CCDC169: variants seen among roughly 807,000 people sequenced by gnomAD.
The protein encoded by CCDC169 is coiled-coil domain containing 169.
In CCDC169, 30 loss-of-function variants were observed where a neutral mutation model predicts 36.0. That is an observed-to-expected ratio of 0.83 (90% confidence interval 0.62 to 1.13). The LOEUF is 1.13. Ranked by LOEUF, CCDC169 falls within the 50% of genes most tolerant of loss-of-function variation. The pLI is 0.00. For synonymous variants in CCDC169, 85 were observed against 81.5 expected (o/e 1.04, Z -0.23); for missense variants, 245 against 245.9 (o/e 1.00, Z 0.03).
chr13:36,258,471 A>G (rs1412767678), intron 4 of CCDC169, among the ~76,000 whole-genome samples: 1 of 152,206 alleles, frequency 6.6e-6, no homozygotes, highest in Admixed American at 6.5e-5. Context: ...GAAATGGGGC[A>G]AAACCCACCA....
At chr13:36,294,216 C>T (rs1460831321) in intron 2 of CCDC169, among the ~76,000 whole-genome samples, 5 of 152,192 alleles carry the variant, frequency 3.3e-5, no homozygotes, top group Non-Finnish European at 7.3e-5. Flanking sequence ...CATACTAGCT[C>T]CTTCTTTTGA....
At chr13:36,237,017 T>C (rs1328631) in intron 7 of CCDC169, among the ~76,000 whole-genome samples, 61,423 of 151,736 alleles carry the variant, frequency 0.4, 13,181 homozygotes, top group Non-Finnish European at 0.48. Context: ...GTAAATGCTA[T>C]ATAAATAGAT....
intron 4 of CCDC169, among the ~76,000 whole-genome samples, chr13:36,269,754 A>G (rs1875789642): frequency 6.6e-6 from 1 of 152,216 alleles, no homozygotes; most frequent in Non-Finnish European, 1.5e-5. Flanking sequence ...TCAACAAACT[A>G]GACATAGAAG....
At chr13:36,244,643 GAAAAA>G (rs1237622595) in intron 7 of CCDC169, 1 of 148,856 alleles carries the variant, frequency 6.7e-6, no homozygotes, top group Non-Finnish European at 1.5e-5. Flanking sequence ...GAGAAAGAAA[GAAAAA>G]AAGAAAGAAA....
At chr13:36,266,324 T>C (rs1241042971) in intron 4 of CCDC169, among the ~76,000 whole-genome samples, 1 of 152,086 alleles carries the variant, frequency 6.6e-6, no homozygotes, top group Non-Finnish European at 1.5e-5. Context: ...CTCCGCAGCA[T>C]CTTCCAGGAC....
chr13:36,291,924 C>T (rs1878944441), intron 2 of CCDC169, among the ~76,000 whole-genome samples: 1 of 151,620 alleles, frequency 6.6e-6, no homozygotes, highest in Non-Finnish European at 1.5e-5. Context: ...AGAAACCAGC[C>T]TATAAAAGAC....
At chr13:36,271,672 C>T (rs1315086149) in intron 4 of CCDC169, among the ~76,000 whole-genome samples, 2 of 152,088 alleles carry the variant, frequency 1.3e-5, no homozygotes, top group Non-Finnish European at 2.9e-5. Context: ...AAACCAAACA[C>T]CGTATGTTCT....
At chr13:36,284,574 C>T (rs1348592243) in intron 2 of CCDC169, among the ~76,000 whole-genome samples, 1 of 152,168 alleles carries the variant, frequency 6.6e-6, no homozygotes, top group Non-Finnish European at 1.5e-5. Flanking sequence ...AGTTTTCTTT[C>T]ACTAAACCCT....
intron 4 of CCDC169, among the ~76,000 whole-genome samples, chr13:36,265,239 T>C (rs926775017): frequency 6.6e-5 from 10 of 152,224 alleles, no homozygotes; most frequent in African/African-American, 2.4e-4. Context: ...AATTTTCTAA[T>C]GGGTCCAAGA....
intron 2 of CCDC169, among the ~76,000 whole-genome samples, chr13:36,285,618 G>GATAGATAGATAGATAC (rs751327575): frequency 0.028 from 3,792 of 133,488 alleles, 63 homozygotes; most frequent in East Asian, 0.081. Flanking sequence ...TAGATAGATA[G>GATAGATAGATAGATAC]ATACATAGAT....
intron 4 of CCDC169, among the ~76,000 whole-genome samples, chr13:36,255,429 C>T (rs894485149): frequency 1.3e-5 from 2 of 152,052 alleles, no homozygotes; most frequent in African/African-American, 4.8e-5. Context: ...TTTGAGAGGC[C>T]GAGGCGGGTA....
At chr13:36,268,005 G>A (rs1875551717) in intron 4 of CCDC169, among the ~76,000 whole-genome samples, 1 of 151,930 alleles carries the variant, frequency 6.6e-6, no homozygotes, top group Non-Finnish European at 1.5e-5. Context: ...TCTAAGAAAT[G>A]AGACAGCAAC....
At chr13:36,227,278 C>G, downstream of CCDC169, 1 of 1,550,960 alleles carries the variant, frequency 6.4e-7, no homozygotes, top group South Asian at 1.2e-5. Context: ...GCTTTTTGTC[C>G]GAGGCATGTC....
intron 7 of CCDC169, among the ~76,000 whole-genome samples, chr13:36,239,683 G>C (rs1871529534): frequency 6.6e-6 from 1 of 151,964 alleles, no homozygotes; most frequent in Non-Finnish European, 1.5e-5. Context: ...TCATCTTATG[G>C]GGGAGAAAAT....
chr13:36,243,455 T>C (rs1872108442), intron 7 of CCDC169, among the ~76,000 whole-genome samples: 2 of 147,274 alleles, frequency 1.4e-5, no homozygotes, highest in South Asian at 4.4e-4. Flanking sequence ...AGCAGAGAGA[T>C]TGCACCACTG....
chr13:36,243,086 T>G lies in CCDC169; in HGVS notation c.545+5520A>C, dbSNP rs1373871591. The stretch of plus-strand genomic sequence containing the variant: ...TGCCAGAGGAAGAAAAGGCCCATAC[T>G]TGAGTCATGGATAAATCAGCTTGGT... On this transcript the variant is annotated intron_variant, in intron 7 of 7. Coordinates refer to ENST00000239859, the MANE Select transcript of CCDC169 (RefSeq NM_001144981.3). Among the ~76,000 whole-genome samples the G allele has an allele frequency of 2.6e-5, 4 of 152,214 alleles. No homozygotes were observed. In the East Asian group the frequency reaches 5.8e-4, roughly 22 times the overall value.
intron 4 of CCDC169, chr13:36,282,374 T>A: frequency 2.0e-6 from 2 of 985,228 alleles, no homozygotes; most frequent in South Asian, 9.4e-5. Flanking sequence ...GCTAAGAGGG[T>A]CTCTTGACTG....
chr13:36,297,547 G>A, intron 1 of CCDC169, 90 bp downstream of exon 1: 2 of 1,299,246 alleles, frequency 1.5e-6, no homozygotes, highest in Non-Finnish European at 2.2e-6. Context: ...CGGTCTTACA[G>A]CACCCTCAGC....
chr13:36,286,205 T>C (rs1878234759), intron 2 of CCDC169, among the ~76,000 whole-genome samples: 2 of 152,180 alleles, frequency 1.3e-5, no homozygotes, highest in Non-Finnish European at 2.9e-5. Flanking sequence ...AAGACTCTTT[T>C]GTCTTAGGGA....
Sources: allele counts gnomAD v4.1 joint callset (sites outside exome capture counted in the v4.1 genomes callset), GRCh38; gene constraint gnomAD v4.1.1; transcripts MANE v1.5; gene names NCBI Gene and HGNC (gene_info 2026-07-23, HGNC 2026-07-21).